ADAM21: variants seen among roughly 807,000 people sequenced by gnomAD.
ADAM21 encodes disintegrin and metalloproteinase domain-containing protein 21.
For missense variants in ADAM21, 678 were observed against 874.4 expected, an observed-to-expected ratio of 0.78 and a Z score of 2.83; for synonymous variants, 262 against 306.0, an observed-to-expected ratio of 0.86 and a Z score of 1.50.
intron 1 of ADAM21, among the ~76,000 whole-genome samples, chr14:70,455,798 GATAA>G (rs761191952): frequency 3.3e-5 from 5 of 152,046 alleles, no homozygotes; most frequent in African/African-American, 7.2e-5. Flanking sequence ...TTGGTAATGA[GATAA>G]ATAATTAAAT....
chr14:70,454,519 TG>T (rs1889079564), intron 1 of ADAM21, among the ~76,000 whole-genome samples: 1 of 151,990 alleles, frequency 6.6e-6, no homozygotes, highest in African/African-American at 2.4e-5. Flanking sequence ...TTAAGAGAAA[TG>T]GGGGATGATG....
At chr14:70,453,103 G>A (rs2139482398) in intron 1 of ADAM21, among the ~76,000 whole-genome samples, 1 of 151,822 alleles carries the variant, frequency 6.6e-6, no homozygotes, top group South Asian at 2.1e-4. Context: ...TGACATTGTG[G>A]CTTTACACAC....
At chr14:70,453,691 CACA>C (rs1173421560) in intron 1 of ADAM21, among the ~76,000 whole-genome samples, 1 of 152,176 alleles carries the variant, frequency 6.6e-6, no homozygotes, top group Non-Finnish European at 1.5e-5. Context: ...TCCTCCCATC[CACA>C]ACAACTGTCA....
rs779988325 is a variant in ADAM21 at position 70,459,706 on chromosome 14, A to C, written c.*38A>C. On this transcript the variant is annotated 3_prime_UTR_variant, in exon 2 of 2. Transcript: ENST00000603540. ...AACTTAATATTCCATGCATTAGTAC[A>C]CTTTAGTCTCTTGGCAGTAGAAACA... 27 of 1,596,786 alleles carry C rather than the reference A, an allele frequency of 1.7e-5. No homozygotes were observed. Among genetic ancestry groups the C allele is most frequent in the Non-Finnish European group, 2.2e-5 (26 of 1,171,300 alleles).
In ADAM21 at chr14:70,459,038, T is replaced by C; in HGVS notation, c.1539T>C (p.His513=). 4 of 1,613,936 alleles carry C rather than the reference T, an allele frequency of 2.5e-6. No homozygotes were observed. In the South Asian group the frequency reaches 4.4e-5, roughly 18 times the overall value. The change falls in exon 2 of 2, where the codon CAT becomes CAC. Residue 513 remains histidine (H), a synonymous_variant. Coordinates refer to ENST00000603540, the MANE Select transcript of ADAM21 (RefSeq NM_003813.4). ...AGAGGTGTAATAACCATGACCAGCA[T>C]TGCAGGGAGATTTTTGGTAAAGATG... ...YQKRCNNHDQ[H]CREIFGKDAK...
chr14:70,457,816 C>T lies in ADAM21; in HGVS notation c.317C>T (p.Pro106Leu). 2.5e-6 allele frequency: 4 copies of T among 1,613,586 alleles called. No homozygotes were observed. Among genetic ancestry groups the T allele is most frequent in the Non-Finnish European group, 3.4e-6 (4 of 1,179,874 alleles). ...CTCCTGGAGGATCAGCTCTTCATCC[C>T]AGATGACTGTTACTATCATGGTTAC... Reference protein sequence around the residue: ...RALLEDQLFIPDDCYYHGYVE... With the variant: ...RALLEDQLFILDDCYYHGYVE... Residue 106 changes from proline (P) to leucine (L), a missense_variant, in exon 2 of 2, where the codon CCA becomes CTA. Physicochemically the swap from Pro to Leu is moderately conservative, Grantham distance 98. Coordinates refer to ENST00000603540, the MANE Select transcript of ADAM21 (RefSeq NM_003813.4).
intron 1 of ADAM21, among the ~76,000 whole-genome samples, chr14:70,455,798 G>C (rs895558366): frequency 4.1e-4 from 62 of 152,162 alleles, no homozygotes; most frequent in African/African-American, 1.3e-3. Flanking sequence ...TTGGTAATGA[G>C]ATAAATAATT....
intron 1 of ADAM21, chr14:70,453,604 T>C (rs1010643591): frequency 2.6e-5 from 4 of 152,168 alleles, no homozygotes; most frequent in Admixed American, 2.6e-4. Flanking sequence ...AGAAAAAGAA[T>C]AATATGACAC....
chr14:70,455,689 A>G (rs1889094048), intron 1 of ADAM21, among the ~76,000 whole-genome samples: 1 of 152,164 alleles, frequency 6.6e-6, no homozygotes, highest in South Asian at 2.1e-4. Flanking sequence ...TTCTACGGCA[A>G]GAACTGAAAG....
chr14:70,458,973 G>C lies in ADAM21; in HGVS notation c.1474G>C (p.Asp492His). 1 of 1,614,026 alleles carries C rather than the reference G, an allele frequency of 6.2e-7. No individual in the cohort carries two copies. Among genetic ancestry groups the C allele is most frequent in the Non-Finnish European group, 8.5e-7 (1 of 1,180,040 alleles). The change falls in exon 2 of 2, where the codon GAC becomes CAC. Residue 492 changes from aspartate (D) to histidine (H), a missense_variant. Transcript: ENST00000603540. Reference protein sequence around the residue: ...HQCPEDRYVQDGIPCSDSAYC... With the variant: ...HQCPEDRYVQHGIPCSDSAYC... ...GTGTCCAGAAGATAGATATGTGCAG[G>C]ACGGGATCCCCTGTAGTGACAGTGC...
In ADAM21 at chr14:70,458,512, C is replaced by G; in HGVS notation, c.1013C>G (p.Thr338Ser). 6.2e-7 allele frequency: 1 copy of G among 1,612,666 alleles called. No homozygotes were observed. Among genetic ancestry groups the G allele is most frequent in the Non-Finnish European group, 8.5e-7 (1 of 1,179,446 alleles). Residue 338 changes from threonine (T) to serine (S), a missense_variant, in exon 2 of 2, where the codon ACT becomes AGT. Transcript: ENST00000603540. Reference protein sequence around the residue: ...QGDTWSLFANTVAHELGHTLG... With the variant: ...QGDTWSLFANSVAHELGHTLG... ...GATACCTGGTCTCTTTTTGCCAACACTGTGGCCCATGAGTTAGGTCATACG... is the reference window on the plus strand; with the variant it reads ...GATACCTGGTCTCTTTTTGCCAACAGTGTGGCCCATGAGTTAGGTCATACG...
At chr14:70,456,265 ATT>A (rs985483970) in intron 1 of ADAM21, among the ~76,000 whole-genome samples, 1 of 152,132 alleles carries the variant, frequency 6.6e-6, no homozygotes, top group African/African-American at 2.4e-5. Context: ...CTGTATTTTG[ATT>A]TTCTTTCTCT....
intron 1 of ADAM21, among the ~76,000 whole-genome samples, chr14:70,455,683 A>G (rs1889093896): frequency 6.6e-6 from 1 of 152,146 alleles, no homozygotes; most frequent in African/African-American, 2.4e-5. Flanking sequence ...TATAATTTCT[A>G]CGGCAAGAAC....
chr14:70,458,576 G>A lies in ADAM21; in HGVS notation c.1077G>A (p.Gly359=), dbSNP rs1882464596. 1 of 1,611,776 alleles carries A rather than the reference G, an allele frequency of 6.2e-7. No homozygotes were observed. Among genetic ancestry groups the A allele is most frequent in the African/African-American group, 1.3e-5 (1 of 74,576 alleles). ...MQHDEEFCFC[G]ERGCIMNTFR... ...ATGATGAAGAATTCTGTTTTTGTGGGGAAAGAGGTTGCATCATGAATACTT... is the reference window on the plus strand; with the variant it reads ...ATGATGAAGAATTCTGTTTTTGTGGAGAAAGAGGTTGCATCATGAATACTT... The change falls in exon 2 of 2, where the codon GGG becomes GGA. Residue 359 remains glycine, a synonymous_variant. Coordinates refer to ENST00000603540, the MANE Select transcript of ADAM21 (RefSeq NM_003813.4).
intron 1 of ADAM21, among the ~76,000 whole-genome samples, chr14:70,454,576 G>A (rs1290568146): frequency 6.6e-6 from 1 of 152,158 alleles, no homozygotes; most frequent in African/African-American, 2.4e-5. Context: ...AACAGGTATA[G>A]CAGAAGTAAG....
At chr14:70,453,945 G>C (rs974640836) in intron 1 of ADAM21, among the ~76,000 whole-genome samples, 1 of 152,156 alleles carries the variant, frequency 6.6e-6, no homozygotes, top group African/African-American at 2.4e-5. Context: ...CTTGAAACAA[G>C]TTTTCCCCAT....
At position 70,458,883 on chromosome 14, in the gene ADAM21, G is replaced by A. The variant is rs568857206; in HGVS notation, c.1384G>A (p.Glu462Lys). The change falls in exon 2 of 2, where the codon GAA becomes AAA. Residue 462 changes from glutamate to lysine, a missense_variant. Glu to Lys is a moderately conservative substitution (Grantham distance 56). Transcript: ENST00000603540. ...CKDCKFMPSG[E>K]LCRQEVNECD... The stretch of plus-strand genomic sequence containing the variant: ...AGACTGCAAGTTCATGCCATCAGGG[G>A]AACTCTGTAGACAAGAGGTCAATGA... 1.2e-6 allele frequency: 2 copies of A among 1,614,176 alleles called. No homozygotes were observed. Among genetic ancestry groups the A allele is most frequent in the Admixed American group, 3.3e-5 (2 of 60,020 alleles).
chr14:70,458,467 G>A lies in ADAM21; in HGVS notation c.968G>A (p.Gly323Glu). 6.2e-7 allele frequency: 1 copy of A among 1,614,012 alleles called. No homozygotes were observed. Among genetic ancestry groups the A allele is most frequent in the Non-Finnish European group, 8.5e-7 (1 of 1,180,006 alleles). Residue 323 changes from glycine (G) to glutamate (E), a missense_variant, in exon 2 of 2, where the codon GGA becomes GAA. Coordinates refer to ENST00000603540, the MANE Select transcript of ADAM21 (RefSeq NM_003813.4). The stretch of plus-strand genomic sequence containing the variant: ...ATATGTCGTCCACCTATTGATTGTG[G>A]AGTTGATAATTTTCAAGGAGATACC... ...AGICRPPIDC[G>E]VDNFQGDTWS... is the part of the protein sequence containing the mutation.
rs187012280 is a variant in ADAM21 at position 70,457,354 on chromosome 14, C to T, written c.-146C>T. 316 of 1,198,878 alleles carry T rather than the reference C, an allele frequency of 2.6e-4. 1 individual carries two copies. In the East Asian group the frequency reaches 3.2e-3, roughly 12 times the overall value. 74.3% of individuals were successfully genotyped at this position (1,198,878 alleles called of 1,614,324 possible). On this transcript the variant is annotated 5_prime_UTR_variant, in exon 2 of 2. The change creates a premature stop within an existing upstream ORF in the 5' untranslated region. Transcript: ENST00000603540. ...CTTTTTATTTTTACTTCCAGCACTG[C>T]AGTTCTGATCTAACTCTGCCAGGAC...
Sources: allele counts gnomAD v4.1 joint callset (sites outside exome capture counted in the v4.1 genomes callset), GRCh38; gene constraint gnomAD v4.1.1; transcripts MANE v1.5; gene names NCBI Gene and HGNC (gene_info 2026-07-23, HGNC 2026-07-21).